EPYC: variants seen among roughly 807,000 people sequenced by gnomAD.
The protein encoded by EPYC is dermatan sulfate proteoglycan 3.
EPYC carries 28 observed loss-of-function variants against 30.1 expected under a neutral mutation model. That is an observed-to-expected ratio of 0.93 (90% CI 0.69 to 1.28). The LOEUF is 1.28. Among genes scored for constraint, EPYC ranks in the 50% most tolerant of loss-of-function variants. The pLI, the probability that EPYC is intolerant of heterozygous loss-of-function variation, is 0.00. For synonymous variants in EPYC, 144 were observed against 141.4 expected (o/e 1.02, Z -0.13); for missense variants, 382 against 383.5 (o/e 1.00, Z 0.03).
At chr12:90,968,262 A>T (rs1876950412) in intron 6 of EPYC, among the ~76,000 whole-genome samples, 1 of 152,190 alleles carries the variant, frequency 6.6e-6, no homozygotes, top group Non-Finnish European at 1.5e-5. Flanking sequence ...ACATTTAAGT[A>T]TTTATCATAT....
At chr12:91,002,211 A>AAAAAG (rs1555216339) in intron 2 of EPYC, among the ~76,000 whole-genome samples, 190 bp downstream of exon 2, 29 of 140,376 alleles carry the variant, frequency 2.1e-4, no homozygotes, top group Non-Finnish European at 3.3e-4. Context: ...AAAAAAAAAA[A>AAAAAG]GGGCAAAAGA....
At chr12:91,004,894 T>C (rs1877917129) in intron 1 of EPYC, 53 bp downstream of exon 1, 1 of 152,082 alleles carries the variant, frequency 6.6e-6, no homozygotes, top group African/African-American at 2.4e-5. Context: ...TTAAAGGTTG[T>C]TATAGTAGGG....
chr12:90,987,538 T>C (rs1877483110), intron 2 of EPYC, among the ~76,000 whole-genome samples: 1 of 152,194 alleles, frequency 6.6e-6, no homozygotes, highest in Admixed American at 6.5e-5. Flanking sequence ...GAAAATACAT[T>C]AGCTATGGCT....
intron 2 of EPYC, among the ~76,000 whole-genome samples, chr12:90,986,303 G>T (rs565638732): frequency 6.6e-6 from 1 of 152,008 alleles, no homozygotes; most frequent in East Asian, 1.9e-4. Flanking sequence ...GCTCACAAAG[G>T]ATTACAGGAT....
chr12:90,990,315 T>C (rs1042833887), intron 2 of EPYC, among the ~76,000 whole-genome samples: 18 of 152,194 alleles, frequency 1.2e-4, no homozygotes, highest in Non-Finnish European at 2.5e-4. Context: ...TATTTATACA[T>C]AATGACAATG....
chr12:90,978,017 A>G (rs925809378), intron 3 of EPYC, 71 bp downstream of exon 3: 45 of 1,367,580 alleles, frequency 3.3e-5, no homozygotes, highest in Non-Finnish European at 3.0e-5. Flanking sequence ...GTTTCCCTGT[A>G]GAGTTGAAGC....
At chr12:90,988,597 C>A (rs1877507602) in intron 2 of EPYC, among the ~76,000 whole-genome samples, 1 of 152,076 alleles carries the variant, frequency 6.6e-6, no homozygotes, top group Non-Finnish European at 1.5e-5. Flanking sequence ...CTGCTTAAAT[C>A]ATCTACAAAA....
At chr12:90,995,104 A>G (rs1008151036) in intron 2 of EPYC, among the ~76,000 whole-genome samples, 8 of 151,964 alleles carry the variant, frequency 5.3e-5, no homozygotes, top group Middle Eastern at 3.2e-3. Context: ...TGGTGCTCAC[A>G]TTTGTTTCCG....
intron 2 of EPYC, among the ~76,000 whole-genome samples, chr12:90,982,374 A>G (rs1051103989): frequency 1.3e-5 from 2 of 152,074 alleles, no homozygotes; most frequent in Non-Finnish European, 2.9e-5. Flanking sequence ...TTACGCAACT[A>G]TCACCCAATT....
chr12:90,982,662 G>T (rs1424673452), intron 2 of EPYC, among the ~76,000 whole-genome samples: 1 of 151,954 alleles, frequency 6.6e-6, no homozygotes, highest in Non-Finnish European at 1.5e-5. Context: ...AACTACCTAA[G>T]CCTCTGGTAA....
intron 3 of EPYC, among the ~76,000 whole-genome samples, chr12:90,976,067 T>C (rs1877170344): frequency 6.6e-6 from 1 of 152,052 alleles, no homozygotes; most frequent in South Asian, 2.1e-4. Context: ...ACAATTCAAG[T>C]GTCTGGCATA....
chr12:90,973,845 G>A (rs74407028), intron 3 of EPYC, among the ~76,000 whole-genome samples: 3,176 of 152,058 alleles, frequency 0.021, 114 homozygotes, highest in African/African-American at 0.071. Flanking sequence ...CATACGATGC[G>A]GTTTGCATGG....
intron 2 of EPYC, among the ~76,000 whole-genome samples, chr12:90,992,686 ATC>A (rs1258235548): frequency 6.6e-6 from 1 of 152,156 alleles, no homozygotes; most frequent in Non-Finnish European, 1.5e-5. Flanking sequence ...AAACGGAAAG[ATC>A]TCAAATGTTA....
chr12:90,990,477 T>C (rs1458570878), intron 2 of EPYC, among the ~76,000 whole-genome samples: 1 of 152,168 alleles, frequency 6.6e-6, no homozygotes, highest in Non-Finnish European at 1.5e-5. Flanking sequence ...TTTATTACTG[T>C]CCAGTATCAC....
chr12:90,964,165 GCTC>G lies in EPYC; in HGVS notation c.957_959del (p.Ser320del). 1 of 1,611,106 alleles carries G rather than the reference GCTC, an allele frequency of 6.2e-7. No homozygotes were observed. The highest frequency in any genetic ancestry group is 8.5e-7 in the Non-Finnish European group (1 of 1,178,154). ...TAACCATTATCTGAAATTAGACAAG[GCTC>G]CCAACAGGCAGACGAGGTAGACACA... On this transcript the variant is annotated inframe_deletion, in exon 7 of 7. Transcript: ENST00000261172.
chr12:90,967,226 T>C (rs1023568391), intron 6 of EPYC, among the ~76,000 whole-genome samples: 1 of 152,066 alleles, frequency 6.6e-6, no homozygotes, highest in African/African-American at 2.4e-5. Flanking sequence ...TTTTTTAATA[T>C]ACGTATTTAC....
rs745867926 is a variant in EPYC at position 90,971,906 on chromosome 12, C to T, written c.596G>A (p.Arg199His). ...KLPQLRELVL[R>H]DNKIRQLPEL... ...TGGGAGCTGCCTTATTTTGTTGTCA[C>T]GCAGGACAAGCTCTCGAAGTTGAGG... Residue 199 changes from arginine to histidine, a missense_variant, in exon 5 of 7, where the codon CGT (arginine) becomes CAT (histidine). Coordinates refer to ENST00000261172, the MANE Select transcript of EPYC (RefSeq NM_004950.5). 125 of 1,611,868 alleles carry T rather than the reference C, an allele frequency of 7.8e-5. No homozygotes were observed. The highest frequency in any genetic ancestry group is 1.2e-4 in the African/African-American group (9 of 74,814).
At chr12:90,984,521 GA>G (rs1216314441) in intron 2 of EPYC, among the ~76,000 whole-genome samples, 1 of 152,178 alleles carries the variant, frequency 6.6e-6, no homozygotes, top group Admixed American at 6.5e-5. Flanking sequence ...CTGTGATGGG[GA>G]AAAATGGCCA....
intron 2 of EPYC, among the ~76,000 whole-genome samples, chr12:90,991,244 G>T (rs1321014105): frequency 6.6e-6 from 1 of 152,006 alleles, no homozygotes; most frequent in African/African-American, 2.4e-5. Context: ...ACCAACAAAG[G>T]GTAAGTTTCT....
Sources: allele counts gnomAD v4.1 joint callset (sites outside exome capture counted in the v4.1 genomes callset), GRCh38; gene constraint gnomAD v4.1.1; transcripts MANE v1.5; gene names NCBI Gene and HGNC (gene_info 2026-07-23, HGNC 2026-07-21).